Variants in SLC9A9 observed in about 807,000 individuals in gnomAD.
The protein encoded by SLC9A9 is solute carrier family 9 member A9.
Under a neutral mutation model 77.8 loss-of-function variants are expected in SLC9A9, and 62 were observed. That is an observed-to-expected ratio of 0.80 (90% confidence interval 0.65 to 0.98). SLC9A9 has a LOEUF of 0.98. Among genes scored for constraint, SLC9A9 ranks in the 50% least tolerant of loss-of-function variants. SLC9A9 has a pLI of 0.00. For missense variants in SLC9A9, 775 were observed against 774.9 expected (o/e 1.00, Z 0.00); for synonymous variants, 320 against 283.5 (o/e 1.13, Z -1.29).
chr3:143,660,362 CAG>C (rs2038960587), intron 5 of SLC9A9, among the ~76,000 whole-genome samples: 1 of 152,156 alleles, frequency 6.6e-6, no homozygotes, highest in Non-Finnish European at 1.5e-5. Context: ...TTGCAAGAGC[CAG>C]AGAGAGAAAA....
At chr3:143,567,942 G>C (rs1026718858) in intron 8 of SLC9A9, among the ~76,000 whole-genome samples, 27 of 152,188 alleles carry the variant, frequency 1.8e-4, no homozygotes, top group African/African-American at 6.3e-4. Context: ...CTTTGAGACT[G>C]TCTTCCCTTC....
chr3:143,805,158 A>G (rs1323116956), intron 2 of SLC9A9, among the ~76,000 whole-genome samples: 1 of 151,630 alleles, frequency 6.6e-6, no homozygotes, highest in Non-Finnish European at 1.5e-5. Context: ...TTTAATACCT[A>G]TTTTTCTCCT....
At chr3:143,672,662 C>T (rs2039177311) in intron 5 of SLC9A9, among the ~76,000 whole-genome samples, 1 of 152,158 alleles carries the variant, frequency 6.6e-6, no homozygotes, top group South Asian at 2.1e-4. Context: ...AATCAGCCAT[C>T]TTCCTCAAGG....
intron 13 of SLC9A9, among the ~76,000 whole-genome samples, chr3:143,364,656 G>A (rs1005164361): frequency 6.6e-6 from 1 of 152,178 alleles, no homozygotes; most frequent in East Asian, 1.9e-4. Flanking sequence ...CCCATGAAAC[G>A]TATGTGTACC....
At chr3:143,572,044 G>A (rs1174684903) in intron 8 of SLC9A9, among the ~76,000 whole-genome samples, 1 of 152,118 alleles carries the variant, frequency 6.6e-6, no homozygotes, top group East Asian at 1.9e-4. Context: ...TGGACACTTG[G>A]ATCTTTCTGT....
chr3:143,836,098 T>A (rs1220483864), intron 1 of SLC9A9, among the ~76,000 whole-genome samples: 1 of 152,166 alleles, frequency 6.6e-6, no homozygotes, highest in African/African-American at 2.4e-5. Context: ...TGGACTTCAT[T>A]CCTAAAGCAC....
At chr3:143,608,232 C>T (rs1024115292) in intron 6 of SLC9A9, among the ~76,000 whole-genome samples, 15 of 152,134 alleles carry the variant, frequency 9.9e-5, no homozygotes, top group Admixed American at 3.3e-4. Context: ...GTGATATTCT[C>T]TACTGAGGGT....
intron 4 of SLC9A9, among the ~76,000 whole-genome samples, chr3:143,708,527 C>T (rs1209146260): frequency 6.6e-6 from 1 of 152,180 alleles, no homozygotes; most frequent in Admixed American, 6.5e-5. Flanking sequence ...ATGTTTAATA[C>T]TCACTGGATA....
chr3:143,396,922 C>T (rs1006818925), intron 12 of SLC9A9, among the ~76,000 whole-genome samples: 19 of 152,090 alleles, frequency 1.2e-4, no homozygotes, highest in African/African-American at 4.3e-4. Context: ...TTTAGATATA[C>T]ATTTTGGAGT....
At chr3:143,612,733 T>C (rs2038043448) in intron 6 of SLC9A9, among the ~76,000 whole-genome samples, 1 of 152,234 alleles carries the variant, frequency 6.6e-6, no homozygotes, top group African/African-American at 2.4e-5. Context: ...TACATTTTCA[T>C]ACATCCCTAA....
chr3:143,362,889 A>AT (rs2032789075), intron 14 of SLC9A9, among the ~76,000 whole-genome samples: 1 of 152,212 alleles, frequency 6.6e-6, no homozygotes, highest in South Asian at 2.1e-4. Context: ...TGATTGCTAG[A>AT]TTTTTAAAAT....
chr3:143,611,129 C>G (rs548321519), intron 6 of SLC9A9, among the ~76,000 whole-genome samples: 1 of 151,820 alleles, frequency 6.6e-6, no homozygotes, highest in Non-Finnish European at 1.5e-5. Context: ...AACAAAAAAG[C>G]TTTTAGAAAT....
At chr3:143,550,500 A>G (rs2036862980) in intron 9 of SLC9A9, among the ~76,000 whole-genome samples, 1 of 152,164 alleles carries the variant, frequency 6.6e-6, no homozygotes, top group Admixed American at 6.5e-5. Context: ...TATTTAGGAG[A>G]TATGATACAA....
intron 9 of SLC9A9, among the ~76,000 whole-genome samples, chr3:143,528,014 G>C (rs907059207): frequency 3.9e-5 from 6 of 152,204 alleles, no homozygotes; most frequent in South Asian, 2.1e-4. Flanking sequence ...AGGAGTTGGA[G>C]GAGAAGGAAG....
chr3:143,494,996 G>A (rs1316762662), intron 10 of SLC9A9, among the ~76,000 whole-genome samples: 1 of 152,154 alleles, frequency 6.6e-6, no homozygotes, highest in Non-Finnish European at 1.5e-5. Flanking sequence ...GATTAAGTCT[G>A]TTTCTCTATA....
At chr3:143,606,430 C>CTATATATATATATATA (rs745429920) in intron 6 of SLC9A9, among the ~76,000 whole-genome samples, 16 of 63,336 alleles carry the variant, frequency 2.5e-4, no homozygotes, top group Non-Finnish European at 3.4e-4. Flanking sequence ...CTCTCTCTCT[C>CTATATATATATATATA]TCTCTCTATA....
At chr3:143,512,861 C>T (rs1278917120) in intron 9 of SLC9A9, among the ~76,000 whole-genome samples, 2 of 152,016 alleles carry the variant, frequency 1.3e-5, no homozygotes, top group Non-Finnish European at 1.5e-5. Context: ...GGTGACAGAG[C>T]GAGACTCTGT....
intron 4 of SLC9A9, among the ~76,000 whole-genome samples, chr3:143,767,072 T>C (rs796925394): frequency 4.6e-5 from 7 of 152,268 alleles, no homozygotes; most frequent in African/African-American, 1.7e-4. Context: ...TCATGAGAAT[T>C]CTGCTAATAT....
At chr3:143,761,105 T>A (rs1207879288) in intron 4 of SLC9A9, among the ~76,000 whole-genome samples, 1 of 152,146 alleles carries the variant, frequency 6.6e-6, no homozygotes, top group Non-Finnish European at 1.5e-5. Flanking sequence ...GATTCCCTAT[T>A]TAATAAATGG....
Sources: gnomAD v4.1 joint callset for allele counts (sites outside exome capture counted in the v4.1 genomes callset) on GRCh38, gnomAD v4.1.1 for gene constraint, MANE v1.5 for transcripts, NCBI Gene and HGNC (gene_info 2026-07-23, HGNC 2026-07-21) for gene names.